RAD54B: variants seen among roughly 807,000 people sequenced by gnomAD.
The protein encoded by RAD54B is RAD54 homolog B.
A neutral mutation model predicts 95.8 loss-of-function variants in RAD54B; 78 were observed. That is an observed-to-expected ratio of 0.81 (90% CI 0.68 to 0.98). The LOEUF is 0.98. Ranked by LOEUF, RAD54B falls within the 50% of genes least tolerant of loss-of-function variation. The pLI, the probability that RAD54B is intolerant of heterozygous loss-of-function variation, is 0.00. For missense variants in RAD54B, 957 were observed against 1,056.6 expected, an observed-to-expected ratio of 0.91 and a Z score of 1.31; for synonymous variants, 328 against 354.9, an observed-to-expected ratio of 0.92 and a Z score of 0.85.
intron 3 of RAD54B, among the ~76,000 whole-genome samples, chr8:94,435,731 G>C (rs961042970): frequency 4.9e-4 from 74 of 152,056 alleles, no homozygotes; most frequent in African/African-American, 1.6e-3. Flanking sequence ...GTTGCTCTTA[G>C]GGGTATTTTA....
chr8:94,410,286 G>A (rs1340902113), intron 4 of RAD54B, among the ~76,000 whole-genome samples: 1 of 151,848 alleles, frequency 6.6e-6, no homozygotes, highest in Non-Finnish European at 1.5e-5. Context: ...CTGCTTCCTG[G>A]GCAGATTAAA....
chr8:94,382,619 G>T (rs1166306136), intron 11 of RAD54B, among the ~76,000 whole-genome samples: 2 of 152,106 alleles, frequency 1.3e-5, no homozygotes, highest in African/African-American at 2.4e-5. Flanking sequence ...ATATGATTTG[G>T]CTCTGTGTCT....
At chr8:94,401,598 T>C (rs1484557876) in intron 6 of RAD54B, among the ~76,000 whole-genome samples, 1 of 152,204 alleles carries the variant, frequency 6.6e-6, no homozygotes, top group African/African-American at 2.4e-5. Context: ...ATATGCAGAT[T>C]TTTGACTACA....
At chr8:94,459,428 G>A (rs1812850278) in intron 2 of RAD54B, among the ~76,000 whole-genome samples, 1 of 151,774 alleles carries the variant, frequency 6.6e-6, no homozygotes, top group Non-Finnish European at 1.5e-5. Flanking sequence ...TAAGATTACA[G>A]GGGTGAGCCA....
intron 2 of RAD54B, among the ~76,000 whole-genome samples, chr8:94,460,895 C>A (rs1440418747): frequency 2.0e-5 from 3 of 152,140 alleles, no homozygotes; most frequent in African/African-American, 7.2e-5. Context: ...TCTTCCCTCT[C>A]TCTCTTCCAC....
chr8:94,427,989 C>G (rs949584107), intron 3 of RAD54B: 1 of 925,668 alleles, frequency 1.1e-6, no homozygotes, highest in Admixed American at 6.2e-5. Flanking sequence ...AAGAAAAATA[C>G]TTGACTATTT....
At chr8:94,463,226 A>G (rs930065713) in intron 2 of RAD54B, among the ~76,000 whole-genome samples, 2 of 151,354 alleles carry the variant, frequency 1.3e-5, no homozygotes, top group African/African-American at 4.9e-5. Context: ...GGTTGGACAC[A>G]GTGGCTCACT....
At chr8:94,404,390 C>T (rs1399090827) in intron 5 of RAD54B, 151 bp from the exon 6 acceptor site, 1 of 594,440 alleles carries the variant, frequency 1.7e-6, no homozygotes, top group African/African-American at 1.9e-5. Flanking sequence ...CCCAAGGGCA[C>T]AAAATTTAAA....
intron 3 of RAD54B, among the ~76,000 whole-genome samples, chr8:94,425,835 A>G (rs1169349022): frequency 6.6e-6 from 1 of 151,688 alleles, no homozygotes; most frequent in Non-Finnish European, 1.5e-5. Context: ...AAAAACCAGT[A>G]AACTACAATA....
chr8:94,420,686 A>T (rs1563650064), intron 3 of RAD54B, among the ~76,000 whole-genome samples: 1 of 53,740 alleles, frequency 1.9e-5, no homozygotes, highest in East Asian at 6.8e-4. Flanking sequence ...CACATACATA[A>T]AAAAAAAGAA....
chr8:94,418,358 T>C (rs991099504), intron 3 of RAD54B, among the ~76,000 whole-genome samples: 1 of 152,200 alleles, frequency 6.6e-6, no homozygotes, highest in Non-Finnish European at 1.5e-5. Context: ...CCACGAAAGG[T>C]TGTATCAATG....
rs376810684 is a variant in RAD54B, at chr8:94,400,440, A to G, written c.968T>C (p.Ile323Thr). Residue 323 changes from isoleucine (I) to threonine (T), a missense_variant, in exon 7 of 15, where the codon ATT becomes ACT. Ile to Thr is a moderately conservative substitution (Grantham distance 89, BLOSUM62 -1). Transcript: ENST00000336148. The part of the protein sequence containing the change: ...GMRMNGRCGA[I>T]LADEMGLGKT... Reference sequence around the variant, plus strand: ...CCCTAAACCCATTTCATCAGCAAGAATAGCTCCACATCTGCCATTCATTCT... The same window carrying G: ...CCCTAAACCCATTTCATCAGCAAGAGTAGCTCCACATCTGCCATTCATTCT... The G allele has an allele frequency of 8.7e-6, 14 of 1,611,142 alleles. No individual in the cohort carries two copies. The African/African-American group carries it at 1.5e-4, about 17-fold the overall frequency.
chr8:94,452,352 C>G (rs532407397), intron 3 of RAD54B, among the ~76,000 whole-genome samples: 1 of 152,308 alleles, frequency 6.6e-6, no homozygotes, highest in East Asian at 1.9e-4. Flanking sequence ...GCAGCCTGTC[C>G]TTGTTTAGGA....
intron 3 of RAD54B, chr8:94,431,489 A>G (rs1812092652): frequency 1.0e-6 from 1 of 981,910 alleles, no homozygotes; most frequent in South Asian, 4.7e-5. Flanking sequence ...ATTTACTTCT[A>G]TCGAATAGCG....
At chr8:94,378,444 A>G in intron 13 of RAD54B, 64 bp from the exon 14 acceptor site, 1 of 1,489,534 alleles carries the variant, frequency 6.7e-7, no homozygotes, top group Non-Finnish European at 9.2e-7. Flanking sequence ...TGTTGGGTAT[A>G]ATGTTTAGTA....
At chr8:94,385,945 T>C (rs1303356753) in intron 11 of RAD54B, among the ~76,000 whole-genome samples, 2 of 152,186 alleles carry the variant, frequency 1.3e-5, no homozygotes, top group Non-Finnish European at 2.9e-5. Context: ...ATTAACCATG[T>C]CATGAAGGGT....
intron 11 of RAD54B, among the ~76,000 whole-genome samples, chr8:94,383,124 C>T (rs1194413268): frequency 6.6e-6 from 1 of 151,802 alleles, no homozygotes; most frequent in Non-Finnish European, 1.5e-5. Context: ...TGGTGAAACT[C>T]CATCTCTACT....
At chr8:94,462,819 T>C (rs1340747797) in intron 2 of RAD54B, among the ~76,000 whole-genome samples, 2 of 152,116 alleles carry the variant, frequency 1.3e-5, no homozygotes, top group Non-Finnish European at 2.9e-5. Context: ...ATTTATAGAA[T>C]TAAAAGAAAA....
In RAD54B at chr8:94,467,475, G is replaced by A. The variant is rs1414899715; in HGVS notation, c.65C>T (p.Pro22Leu). 1.2e-6 allele frequency: 2 copies of A among 1,613,518 alleles called. No homozygotes were observed. The highest frequency in any genetic ancestry group is 2.2e-5 in the East Asian group (1 of 44,878). The change falls in exon 2 of 15, where the codon CCT becomes CTT. Residue 22 changes from proline (P) to leucine (L), a missense_variant. Coordinates refer to ENST00000336148, the MANE Select transcript of RAD54B (RefSeq NM_012415.3). ...CAGACCTGGATTACTTCTTCCTGGAGGTATAAATTTTGGTTTTTTGAAGGA... is the reference window on the plus strand; with the variant it reads ...CAGACCTGGATTACTTCTTCCTGGAAGTATAAATTTTGGTTTTTTGAAGGA... ...GNSFKKPKFI[P>L]PGRSNPGLNE...
Sources: gnomAD v4.1 joint callset for allele counts (sites outside exome capture counted in the v4.1 genomes callset) on GRCh38, gnomAD v4.1.1 for gene constraint, MANE v1.5 for transcripts, NCBI Gene and HGNC (gene_info 2026-07-23, HGNC 2026-07-21) for gene names.